PTK7: variants seen among roughly 807,000 people sequenced by gnomAD.
The protein encoded by PTK7 is inactive tyrosine-protein kinase 7.
In PTK7, 39 loss-of-function variants were observed where a neutral mutation model predicts 116.6. That is an observed-to-expected ratio of 0.33 (90% CI 0.26 to 0.44). PTK7 has a LOEUF of 0.44. PTK7 is among the 20% of genes least tolerant of loss of function. PTK7 has a pLI of 1.00. For synonymous variants in PTK7, 546 were observed against 563.6 expected, an observed-to-expected ratio of 0.97 and a Z score of 0.44; for missense variants, 1,169 against 1,425.6, an observed-to-expected ratio of 0.82 and a Z score of 2.90.
intron 1 of PTK7, among the ~76,000 whole-genome samples, chr6:43,114,897 C>T (rs910971994): frequency 2.6e-5 from 4 of 151,978 alleles, no homozygotes; most frequent in African/African-American, 4.8e-5. Flanking sequence ...AAAAAATTAG[C>T]GGGGCATGGT....
At chr6:43,078,196 C>T (rs552690426) in intron 1 of PTK7, among the ~76,000 whole-genome samples, 1 of 152,082 alleles carries the variant, frequency 6.6e-6, no homozygotes, top group African/African-American at 2.4e-5. Flanking sequence ...TAAATTCCTT[C>T]CATGAGAAGA....
rs750232743 is a variant in PTK7, at chr6:43,141,984, A to G, written c.1822A>G (p.Thr608Ala). The change falls in exon 12 of 20, where the codon ACA becomes GCA. Residue 608 changes from threonine to alanine, a missense_variant. By Grantham distance (58) the Thr-to-Ala change is moderately conservative. Transcript: ENST00000230419. The surrounding 1 kb of genome is among the most constrained non-coding windows in gnomAD (Gnocchi z 4.9). The stretch of plus-strand genomic sequence containing the variant: ...GCGTACGACTGTGTACCAGGGCCAC[A>G]CAGCCCTACTGCAGTGCGAGGCCCA... ...PERTTVYQGHTALLQCEAQGD... is the reference protein window; with the variant it reads ...PERTTVYQGHAALLQCEAQGD... 1.2e-6 allele frequency: 2 copies of G among 1,613,692 alleles called. No homozygotes were observed. The highest frequency in any genetic ancestry group is 1.7e-6 in the Non-Finnish European group (2 of 1,179,912).
In PTK7 at chr6:43,145,321, C is replaced by T; in HGVS notation, c.2529C>T (p.Phe843=). Residue 843 remains phenylalanine (F), a synonymous_variant, in exon 16 of 20, where the codon TTC becomes TTT. Transcript: ENST00000230419. This position sits in a 1 kb window ranked among gnomAD's most constrained non-coding sequence, Gnocchi z 4.8. The part of the protein sequence containing the change: ...QSKDEQQQLD[F]RRELEMFGKL... ...AGGATGAGCAGCAGCAGCTGGACTT[C>T]CGGAGGGAGTTGGAGATGTTTGGGA... 1 of 1,613,868 alleles carries T rather than the reference C, an allele frequency of 6.2e-7. No homozygotes were observed. Among genetic ancestry groups the T allele is most frequent in the Non-Finnish European group, 8.5e-7 (1 of 1,179,954 alleles).
At chr6:43,116,726 A>T (rs932444549) in intron 1 of PTK7, among the ~76,000 whole-genome samples, 1 of 152,106 alleles carries the variant, frequency 6.6e-6, no homozygotes. Flanking sequence ...GGAGTGGTGG[A>T]AACAGACGAG....
At chr6:43,137,748 T>A (rs1770124134) in intron 7 of PTK7, among the ~76,000 whole-genome samples, 1 of 152,176 alleles carries the variant, frequency 6.6e-6, no homozygotes, top group Admixed American at 6.6e-5. Flanking sequence ...TTAAATTCTG[T>A]CACTATTAGG....
At chr6:43,120,469 C>T (rs1253129792) in intron 1 of PTK7, among the ~76,000 whole-genome samples, 1 of 152,198 alleles carries the variant, frequency 6.6e-6, no homozygotes, top group Non-Finnish European at 1.5e-5. Flanking sequence ...GGGGCTGCGC[C>T]GAGGAACAGA....
chr6:43,087,474 G>C (rs531129668), intron 1 of PTK7, among the ~76,000 whole-genome samples: 115 of 152,330 alleles, frequency 7.5e-4, no homozygotes, highest in African/African-American at 2.7e-3. Flanking sequence ...TCCTGCAAGA[G>C]AAGTGGCAGG....
At position 43,139,603 on chromosome 6, in the gene PTK7, CCCCG is replaced by C; in HGVS notation, c.1618+80_1618+83del. 1 of 1,578,620 alleles carries C rather than the reference CCCCG, an allele frequency of 6.3e-7. No individual in the cohort carries two copies. Among genetic ancestry groups the C allele is most frequent in the South Asian group, 1.2e-5 (1 of 86,936 alleles). On this transcript the variant is annotated intron_variant, in intron 10 of 19. Transcript: ENST00000230419. The surrounding 1 kb of genome is among the most constrained non-coding windows in gnomAD (Gnocchi z 4.6). ...ATACATACCTGAGGGCTGCTGGGTGCCCCGCACTGTGCCAGGAAATGTGGAGATT... is the reference window on the plus strand; with the variant it reads ...ATACATACCTGAGGGCTGCTGGGTGCCACTGTGCCAGGAAATGTGGAGATT...
Position 43,129,616 on chromosome 6 carries a change from T to C in PTK7, c.368-111T>C. 1.1e-5 allele frequency: 10 copies of C among 950,786 alleles called. No homozygotes were observed. The South Asian group carries it at 1.4e-4, about 14-fold the overall frequency. 58.9% of individuals were successfully genotyped at this position (950,786 alleles called of 1,614,324 possible). On this transcript the variant is annotated intron_variant, in intron 2 of 19. Transcript: ENST00000230419. The surrounding 1 kb of genome is among the most constrained non-coding windows in gnomAD (Gnocchi z 4.5). ...TCAGCCTCCAGGGCTTCCTTGTGTC[T>C]GTTGGCACAGAGCCTCGAGGTTCCA...
chr6:43,125,286 T>C (rs1387237975), intron 1 of PTK7, among the ~76,000 whole-genome samples: 1 of 152,254 alleles, frequency 6.6e-6, no homozygotes, highest in African/African-American at 2.4e-5. Flanking sequence ...CCAGCTTTGA[T>C]GTTTCCCAGG....
At chr6:43,150,802 TTTTTTTTTTTTTTTC>T (rs1475721432) in intron 17 of PTK7, among the ~76,000 whole-genome samples, 6 of 103,014 alleles carry the variant, frequency 5.8e-5, no homozygotes, top group Non-Finnish European at 9.4e-5. Context: ...TTTTTTTTTT[TTTTTTTTTTTTTTTC>T]CCGAGACAGA....
At chr6:43,154,554 CT>C (rs1039824284) in intron 17 of PTK7, among the ~76,000 whole-genome samples, 3 of 151,442 alleles carry the variant, frequency 2.0e-5, no homozygotes, top group South Asian at 2.1e-4. Context: ...TTTCTATTCC[CT>C]TTTTTTTTCT....
intron 17 of PTK7, among the ~76,000 whole-genome samples, chr6:43,157,364 ATTTTTTTTTTTCTTT>A (rs1771549924): frequency 2.9e-4 from 16 of 54,354 alleles, no homozygotes; most frequent in African/African-American, 1.2e-3. Flanking sequence ...ATATATATAT[ATTTTTTTTTTTCTTT>A]TTTTTTTTTT....
intron 1 of PTK7, among the ~76,000 whole-genome samples, chr6:43,123,235 G>A (rs959084637): frequency 2.6e-5 from 4 of 152,218 alleles, no homozygotes; most frequent in African/African-American, 9.6e-5. Context: ...GATTACAGGC[G>A]TGAGTCACTG....
chr6:43,084,933 G>C (rs948316666), intron 1 of PTK7, among the ~76,000 whole-genome samples: 1 of 152,160 alleles, frequency 6.6e-6, no homozygotes, highest in Non-Finnish European at 1.5e-5. Context: ...GAAAACCTGG[G>C]TGGTACTGTT....
chr6:43,128,644 G>T (rs186936221), intron 1 of PTK7, among the ~76,000 whole-genome samples: 1 of 152,186 alleles, frequency 6.6e-6, no homozygotes. Flanking sequence ...AATTAGCTGG[G>T]TGTGGTGGCT....
At position 43,118,922 on chromosome 6, in the gene PTK7, C is replaced by T. The variant is rs118093665; in HGVS notation, c.80-10055C>T. Among the ~76,000 whole-genome samples, 845 of 151,292 alleles carry T rather than the reference C, an allele frequency of 5.6e-3. 52 individuals carry two copies. The East Asian group carries it at 0.14, about 24-fold the overall frequency. ...TAGCTGGGACGACAGGTGGGCGCCA[C>T]CACATTTGGCTTATTTTTTGTAGAG... On this transcript the variant is annotated intron_variant, in intron 1 of 19. Coordinates refer to ENST00000230419, the MANE Select transcript of PTK7 (RefSeq NM_002821.5).
intron 1 of PTK7, among the ~76,000 whole-genome samples, chr6:43,124,887 C>T (rs1002805518): frequency 2.0e-5 from 3 of 152,100 alleles, no homozygotes; most frequent in African/African-American, 7.2e-5. Flanking sequence ...CCTTTTGAAA[C>T]ATCTGCTGGG....
intron 17 of PTK7, among the ~76,000 whole-genome samples, chr6:43,156,814 T>A (rs1771462500): frequency 1.3e-5 from 2 of 152,028 alleles, no homozygotes; most frequent in Non-Finnish European, 2.9e-5. Context: ...GAGAATCACT[T>A]GAACCCAGCG....
Sources: gnomAD v4.1 joint callset for allele counts (sites outside exome capture counted in the v4.1 genomes callset) on GRCh38, gnomAD v4.1.1 for gene constraint, Gnocchi (gnomAD v3.1) non-coding constraint, MANE v1.5 for transcripts, NCBI Gene and HGNC (gene_info 2026-07-23, HGNC 2026-07-21) for gene names.